Variants in RAB30 observed in about 807,000 individuals in gnomAD.
RAB30 encodes the protein ras-related protein Rab-30.
A neutral mutation model predicts 25.1 loss-of-function variants in RAB30; 9 were observed. The ratio of observed to expected loss-of-function variants is 0.36; its 90% CI spans 0.22 to 0.63. The LOEUF (loss-of-function observed/expected upper bound fraction) is 0.63, where lower values mean the gene tolerates loss of function less well. Ranked by LOEUF, RAB30 falls within the 20% of genes least tolerant of loss-of-function variation. The pLI is 0.69. For missense variants in RAB30, 140 were observed against 243.5 expected (o/e 0.58, Z 2.83); for synonymous variants, 77 against 86.4 (o/e 0.89, Z 0.60).
Position 82,977,032 on chromosome 11 carries a change from T to G in RAB30, c.*5133A>C, listed in dbSNP as rs1455442838. On this transcript the variant is annotated 3_prime_UTR_variant, in exon 5 of 5. Transcript: ENST00000527633. ...CAGTGACCCACCAGCCCATCTCTCT[T>G]GGGAGTTGGTCTGTTTGTGAGAACT... 2.0e-5 allele frequency: 3 copies of G among 152,178 alleles called. No individual in the cohort carries two copies. Among genetic ancestry groups the G allele is most frequent in the Admixed American group, 6.5e-5 (1 of 15,276 alleles). 9.4% of individuals were successfully genotyped at this position (152,178 alleles called of 1,614,324 possible). A position where few individuals can be genotyped will look rare whatever the true frequency, so the allele number is the denominator to read the frequency against.
At chr11:83,047,836 T>C (rs918884396) in intron 1 of RAB30, among the ~76,000 whole-genome samples, 9 of 152,188 alleles carry the variant, frequency 5.9e-5, no homozygotes, top group Non-Finnish European at 1.0e-4. Context: ...CCACCATCCC[T>C]CAGTAGAGCA....
intron 1 of RAB30, among the ~76,000 whole-genome samples, chr11:83,006,729 T>C (rs1231438246): frequency 3.9e-5 from 6 of 152,210 alleles, no homozygotes; most frequent in Non-Finnish European, 7.3e-5. Flanking sequence ...TGTCTTTCTC[T>C]TTGCCCAGCT....
chr11:82,987,402 TA>T, intron 4 of RAB30, 184 bp downstream of exon 4: 1 of 479,572 alleles, frequency 2.1e-6, no homozygotes, highest in Non-Finnish European at 3.4e-6. Context: ...TTTATTTTTC[TA>T]AACTGTCACC....
intron 1 of RAB30, among the ~76,000 whole-genome samples, chr11:83,014,983 G>T (rs1288126076): frequency 6.6e-6 from 1 of 152,204 alleles, no homozygotes; most frequent in Non-Finnish European, 1.5e-5. Flanking sequence ...GGAACTGAAA[G>T]AAGGGACACT....
At chr11:83,030,049 C>A (rs1432194977) in intron 1 of RAB30, among the ~76,000 whole-genome samples, 5 of 151,962 alleles carry the variant, frequency 3.3e-5, no homozygotes, top group Non-Finnish European at 4.4e-5. Flanking sequence ...AAGGAGTGGG[C>A]AAGGGGAGTG....
intron 2 of RAB30, among the ~76,000 whole-genome samples, chr11:82,994,929 G>A (rs1291968609): frequency 1.3e-5 from 2 of 152,214 alleles, no homozygotes; most frequent in African/African-American, 4.8e-5. Flanking sequence ...CAATGAGTTT[G>A]AGGCTGATGT....
chr11:83,005,351 C>T (rs1857163079), intron 1 of RAB30, among the ~76,000 whole-genome samples: 1 of 152,224 alleles, frequency 6.6e-6, no homozygotes, highest in Non-Finnish European at 1.5e-5. Flanking sequence ...TTTGAACACA[C>T]TGTGTGCTAG....
At chr11:83,039,147 T>C (rs1279677132) in intron 1 of RAB30, 1 of 152,194 alleles carries the variant, frequency 6.6e-6, no homozygotes, top group Non-Finnish European at 1.5e-5. Context: ...TAACAAACAA[T>C]TCATTTTACC....
chr11:83,045,736 C>T (rs1402727528), intron 1 of RAB30, among the ~76,000 whole-genome samples: 1 of 152,108 alleles, frequency 6.6e-6, no homozygotes, highest in African/African-American at 2.4e-5. Context: ...ACTGAGATTA[C>T]GTATATGACT....
chr11:82,989,681 T>C (rs1277988021), intron 3 of RAB30, among the ~76,000 whole-genome samples: 4 of 152,250 alleles, frequency 2.6e-5, no homozygotes, highest in Non-Finnish European at 5.9e-5. Flanking sequence ...TGAGAACAGC[T>C]TCGAGGGTTA....
At position 83,040,624 on chromosome 11, in the gene RAB30, T is replaced by C. The variant is rs548485073; in HGVS notation, c.-9+31067A>G. 2.6e-5 allele frequency among the ~76,000 whole-genome samples: 4 copies of C among 152,174 alleles called. No homozygotes were observed. In the South Asian group the frequency reaches 8.3e-4, roughly 32 times the overall value. ...AAAAAAAAAAAATTGAATAACACTATTTTGAACTTAAAATAATATTGATTT... is the reference window on the plus strand; with the variant it reads ...AAAAAAAAAAAATTGAATAACACTACTTTGAACTTAAAATAATATTGATTT... On this transcript the variant is annotated intron_variant, in intron 1 of 4. Transcript: ENST00000527633.
chr11:82,988,068 G>A (rs946694989), intron 3 of RAB30, among the ~76,000 whole-genome samples: 3 of 151,662 alleles, frequency 2.0e-5, no homozygotes, highest in Admixed American at 6.6e-5. Flanking sequence ...TAGGAAATTC[G>A]TCAAGCATTT....
intron 1 of RAB30, among the ~76,000 whole-genome samples, chr11:83,065,690 A>G (rs2121521754): frequency 6.6e-6 from 1 of 152,344 alleles, no homozygotes; most frequent in Non-Finnish European, 1.5e-5. Flanking sequence ...TGTGGATACT[A>G]AACAAGCACC....
intron 1 of RAB30, among the ~76,000 whole-genome samples, chr11:83,003,156 T>C (rs1235650055): frequency 6.6e-6 from 1 of 152,182 alleles, no homozygotes; most frequent in East Asian, 1.9e-4. Flanking sequence ...CACTGTGTGG[T>C]TTCCTCATCC....
chr11:83,051,243 T>C (rs1565289800), intron 1 of RAB30, among the ~76,000 whole-genome samples: 1 of 152,024 alleles, frequency 6.6e-6, no homozygotes, highest in Non-Finnish European at 1.5e-5. Flanking sequence ...CCCGAAACAT[T>C]AAAGGCAGCT....
At chr11:83,005,242 G>C (rs116294599) in intron 1 of RAB30, among the ~76,000 whole-genome samples, 1 of 152,100 alleles carries the variant, frequency 6.6e-6, no homozygotes, top group Non-Finnish European at 1.5e-5. Context: ...CTGACACACT[G>C]GTGAGTCACA....
intron 1 of RAB30, among the ~76,000 whole-genome samples, chr11:83,067,654 C>A (rs1242249620): frequency 1.3e-5 from 2 of 152,140 alleles, no homozygotes; most frequent in Non-Finnish European, 2.9e-5. Flanking sequence ...TTCTCCCTAT[C>A]CCCCCATCCA....
At chr11:82,982,835 T>C (rs1459889563) in intron 4 of RAB30, among the ~76,000 whole-genome samples, 1 of 152,028 alleles carries the variant, frequency 6.6e-6, no homozygotes, top group Non-Finnish European at 1.5e-5. Context: ...GCACTCTAGC[T>C]TGGGTGACAG....
At chr11:82,983,476 G>A (rs1856679135) in intron 4 of RAB30, among the ~76,000 whole-genome samples, 1 of 152,082 alleles carries the variant, frequency 6.6e-6, no homozygotes, top group South Asian at 2.1e-4. Context: ...TATTGCCCAG[G>A]CTGGAGGGCA....
Sources: gnomAD v4.1 joint callset for allele counts (sites outside exome capture counted in the v4.1 genomes callset) on GRCh38, gnomAD v4.1.1 for gene constraint, MANE v1.5 for transcripts, NCBI Gene and HGNC (gene_info 2026-07-23, HGNC 2026-07-21) for gene names.